Variants in KLHL36 observed in about 807,000 individuals in gnomAD.
KLHL36 encodes the protein kelch like family member 36.
A neutral mutation model predicts 53.3 loss-of-function variants in KLHL36; 35 were observed. That is an observed-to-expected ratio of 0.66 (90% CI 0.50 to 0.87). KLHL36 has a LOEUF of 0.87. Ranked by LOEUF, KLHL36 falls within the 40% of genes least tolerant of loss-of-function variation. KLHL36 has a pLI of 0.00. For synonymous variants in KLHL36, 472 were observed against 398.9 expected (o/e 1.18, Z -2.18); for missense variants, 864 against 897.6 (o/e 0.96, Z 0.48).
intron 4 of KLHL36, among the ~76,000 whole-genome samples, chr16:84,660,559 C>G (rs915360397): frequency 1.3e-5 from 2 of 152,172 alleles, no homozygotes; most frequent in Non-Finnish European, 2.9e-5. Flanking sequence ...ACTTTCTGAA[C>G]CAGTCTTTGC....
chr16:84,657,354 G>T lies in KLHL36; in HGVS notation c.547G>T (p.Asp183Tyr). 5 of 1,612,160 alleles carry T rather than the reference G, an allele frequency of 3.1e-6. No homozygotes were observed. The highest frequency in any genetic ancestry group is 4.2e-6 in the Non-Finnish European group (5 of 1,180,020). Reference sequence around the variant, plus strand: ...CTTCGGCACGCTGTCCTTTACGCCCGACTTCCTGCAGAACGTCTCCATGCA... The same window carrying T: ...CTTCGGCACGCTGTCCTTTACGCCCTACTTCCTGCAGAACGTCTCCATGCA... ...NHFGTLSFTP[D>Y]FLQNVSMQKL... The change falls in exon 3 of 5, where the codon GAC becomes TAC. Residue 183 changes from aspartate (D) to tyrosine (Y), a missense_variant. Asp to Tyr is a radical substitution (Grantham distance 160, BLOSUM62 -3). Coordinates refer to ENST00000564996, the MANE Select transcript of KLHL36 (RefSeq NM_024731.4).
At position 84,664,963 on chromosome 16, in the gene KLHL36, C is replaced by T. The variant is rs1362043477; in HGVS notation, c.*2830C>T. The T allele has an allele frequency of 6.6e-6, 1 of 152,232 alleles. No individual in the cohort carries two copies. Among genetic ancestry groups the T allele is most frequent in the Non-Finnish European group, 1.5e-5 (1 of 68,058 alleles). 9.4% of individuals were successfully genotyped at this position (152,232 alleles called of 1,614,324 possible). A position where few individuals can be genotyped will look rare whatever the true frequency, so the allele number is the denominator to read the frequency against. ...ATCACCTGAGCCTGGGAGGTTGAGG[C>T]TGCAGTGAGCTATGACCACACCACT... On this transcript the variant is annotated 3_prime_UTR_variant, in exon 5 of 5. Transcript: ENST00000564996.
chr16:84,654,979 G>A (rs1009621638), intron 2 of KLHL36, among the ~76,000 whole-genome samples: 1 of 152,210 alleles, frequency 6.6e-6, no homozygotes, highest in African/African-American at 2.4e-5. Context: ...AACAGAGCAA[G>A]ACCCTGTTTC....
intron 2 of KLHL36, among the ~76,000 whole-genome samples, chr16:84,652,600 C>G (rs1270764778): frequency 2.6e-5 from 4 of 152,072 alleles, no homozygotes; most frequent in Non-Finnish European, 5.9e-5. Context: ...AAAAAGTGTA[C>G]CCATTAATTT....
chr16:84,654,001 G>C (rs1359441846), intron 2 of KLHL36, among the ~76,000 whole-genome samples: 3 of 152,188 alleles, frequency 2.0e-5, no homozygotes, highest in Admixed American at 1.3e-4. Flanking sequence ...AAACAACACT[G>C]CTCTTGCCCC....
In KLHL36 at chr16:84,657,068, G is replaced by A. The variant is rs199686560; in HGVS notation, c.261G>A (p.Val87=). 11 of 1,614,206 alleles carry A rather than the reference G, an allele frequency of 6.8e-6. No homozygotes were observed. In the African/African-American group the frequency reaches 8.0e-5, roughly 12 times the overall value. Reference sequence around the variant, plus strand: ...TGCGGGAAGCTTTCCAGAAGGAGGTGGAGCTGATCGGCGCCTCCTACATTG... The same window carrying A: ...TGCGGGAAGCTTTCCAGAAGGAGGTAGAGCTGATCGGCGCCTCCTACATTG... ...IGMREAFQKE[V]ELIGASYIGL... Residue 87 remains valine, a synonymous_variant, in exon 3 of 5, where the codon GTG becomes GTA. Transcript: ENST00000564996.
At chr16:84,650,379 C>T (rs879648632) in intron 1 of KLHL36, among the ~76,000 whole-genome samples, 2 of 152,110 alleles carry the variant, frequency 1.3e-5, no homozygotes, top group African/African-American at 2.4e-5. Context: ...CAGACCGAGG[C>T]GTGATTCTCG....
intron 3 of KLHL36, 39 bp from the exon 4 acceptor site, chr16:84,659,721 G>C: frequency 6.2e-7 from 1 of 1,603,234 alleles, no homozygotes; most frequent in Middle Eastern, 1.7e-4. Flanking sequence ...GCTGTCCCGG[G>C]TTCGGGGAAG....
Position 84,661,421 on chromosome 16 carries a change from T to C in KLHL36, c.1296-157T>C, listed in dbSNP as rs1395365680. Among the ~76,000 whole-genome samples the C allele has an allele frequency of 1.3e-5, 2 of 152,326 alleles. No homozygotes were observed. The highest frequency in any genetic ancestry group is 3.9e-4 in the East Asian group (2 of 5,182). ...CCCTGCCCTGCCATTTCTTTGCTAA[T>C]GACGGCTACTGTCTATAGAGTGTTC... is the stretch of plus-strand genomic sequence containing the variant. On this transcript the variant is annotated intron_variant, in intron 4 of 4. Transcript: ENST00000564996. The surrounding 1 kb of genome is among the most constrained non-coding windows in gnomAD (Gnocchi z 7.9).
intron 4 of KLHL36, among the ~76,000 whole-genome samples, chr16:84,660,726 G>T (rs528743773): frequency 3.3e-5 from 5 of 152,106 alleles, no homozygotes; most frequent in African/African-American, 1.2e-4. Flanking sequence ...AACTCAAGCA[G>T]TTCTCCTGCC....
chr16:84,650,288 TA>T (rs1277318110), intron 1 of KLHL36, among the ~76,000 whole-genome samples: 1 of 152,164 alleles, frequency 6.6e-6, no homozygotes, highest in Non-Finnish European at 1.5e-5. Context: ...TGCATCATGA[TA>T]TTTTTAAAGT....
intron 2 of KLHL36, among the ~76,000 whole-genome samples, chr16:84,652,957 C>G (rs555051176): frequency 6.6e-6 from 1 of 152,266 alleles, no homozygotes; most frequent in South Asian, 2.1e-4. Flanking sequence ...GTGGCTCACG[C>G]CTGTAATCCC....
rs899419248 is a variant in KLHL36, at chr16:84,656,943, T to G, written c.136T>G (p.Cys46Gly). 6.2e-7 allele frequency: 1 copy of G among 1,613,552 alleles called. No individual in the cohort carries two copies. ...LNEQRLRGLF[C>G]DVVLVADEQR... ...CGAGCAGCGTCTCCGCGGGCTCTTC[T>G]GCGACGTCGTCCTGGTGGCCGATGA... is the stretch of plus-strand genomic sequence containing the variant. The change falls in exon 3 of 5, where the codon TGC becomes GGC. Residue 46 changes from cysteine to glycine, a missense_variant. By Grantham distance (159) the Cys-to-Gly change is radical. Transcript: ENST00000564996.
Position 84,667,230 on chromosome 16 carries a change from A to G in KLHL36, c.*5097A>G, listed in dbSNP as rs1907891286. On this transcript the variant is annotated 3_prime_UTR_variant, in exon 5 of 5. Coordinates refer to ENST00000564996, the MANE Select transcript of KLHL36 (RefSeq NM_024731.4). ...TTCAAAGGTACTTAAAGCCATCTTT[A>G]CAGATTGCTTGTAATGTAAGGAAAG... 6.6e-6 allele frequency: 1 copy of G among 152,274 alleles called. No individual in the cohort carries two copies. Among genetic ancestry groups the G allele is most frequent in the East Asian group, 1.9e-4 (1 of 5,180 alleles). 9.4% of individuals were successfully genotyped at this position (152,274 alleles called of 1,614,324 possible). A position where few individuals can be genotyped will look rare whatever the true frequency, so the allele number is the denominator to read the frequency against.
chr16:84,657,274 C>A lies in KLHL36; in HGVS notation c.467C>A (p.Ser156Tyr), dbSNP rs774917831. 26 of 1,613,960 alleles carry A rather than the reference C, an allele frequency of 1.6e-5. No individual in the cohort carries two copies. Among genetic ancestry groups the A allele is most frequent in the Non-Finnish European group, 2.1e-5 (25 of 1,180,036 alleles). The stretch of plus-strand genomic sequence containing the variant: ...TACCTGTACCTGCAGGAGCTGGCCT[C>A]CATCTACAGCCTCAAGCGGCTTGAT... ...DNYLYLQELA[S>Y]IYSLKRLDAF... is the part of the protein sequence containing the mutation. Residue 156 changes from serine (S) to tyrosine (Y), a missense_variant, in exon 3 of 5, where the codon TCC becomes TAC. Coordinates refer to ENST00000564996, the MANE Select transcript of KLHL36 (RefSeq NM_024731.4).
At position 84,656,887 on chromosome 16, in the gene KLHL36, A is replaced by C. The variant is rs753434084; in HGVS notation, c.80A>C (p.Asp27Ala). The C allele has an allele frequency of 4.4e-6, 7 of 1,608,932 alleles. No homozygotes were observed. Among genetic ancestry groups the C allele is most frequent in the African/African-American group, 1.3e-5 (1 of 74,878 alleles). ...SESSKVYRWA[D>A]HSSTVLQRLN... The stretch of plus-strand genomic sequence containing the variant: ...TCTGTCCAGGTATACCGCTGGGCCG[A>C]CCACTCAAGCACGGTGCTGCAGCGG... The change falls in exon 3 of 5, where the codon GAC becomes GCC. Residue 27 changes from aspartate (D) to alanine (A), a missense_variant. Coordinates refer to ENST00000564996, the MANE Select transcript of KLHL36 (RefSeq NM_024731.4).
rs1236927232 is a variant in KLHL36, at chr16:84,667,619, C to A, written c.*5486C>A. 1.3e-5 allele frequency: 2 copies of A among 152,060 alleles called. No homozygotes were observed. Among genetic ancestry groups the A allele is most frequent in the Non-Finnish European group, 2.9e-5 (2 of 68,014 alleles). The allele number at this position is 152,060 out of a possible 1,614,324, so 9.4% of individuals were successfully genotyped here. On this transcript the variant is annotated 3_prime_UTR_variant, in exon 5 of 5. Coordinates refer to ENST00000564996, the MANE Select transcript of KLHL36 (RefSeq NM_024731.4). Reference sequence around the variant, plus strand: ...TGTGGTTATTGTAATGATGTCTGGTCCTAATTTCTCTGCCCGTATGAAAAA... The same window carrying A: ...TGTGGTTATTGTAATGATGTCTGGTACTAATTTCTCTGCCCGTATGAAAAA...
chr16:84,654,301 C>T (rs531414133), intron 2 of KLHL36, among the ~76,000 whole-genome samples: 1 of 151,960 alleles, frequency 6.6e-6, no homozygotes, highest in African/African-American at 2.4e-5. Flanking sequence ...TCAGCTCACA[C>T]CCAAGAGGGG....
chr16:84,657,644 C>A lies in KLHL36; in HGVS notation c.837C>A (p.Ala279=), dbSNP rs138867111. Residue 279 remains alanine, a synonymous_variant, in exon 3 of 5, where the codon GCC becomes GCA. Coordinates refer to ENST00000564996, the MANE Select transcript of KLHL36 (RefSeq NM_024731.4). ...TGCGCTACCACAACAACCTGGCGGC[C>A]CAGCCCGTCATGCAGACCAAGCGCA... ...EAVRYHNNLA[A]QPVMQTKRTA... is the part of the protein sequence containing the mutation. 98 of 1,612,072 alleles carry A rather than the reference C, an allele frequency of 6.1e-5. No individual in the cohort carries two copies. The African/African-American group carries it at 1.1e-3, about 18-fold the overall frequency.
Sources: gnomAD v4.1 joint callset for allele counts (sites outside exome capture counted in the v4.1 genomes callset) on GRCh38, gnomAD v4.1.1 for gene constraint, Gnocchi (gnomAD v3.1) non-coding constraint, MANE v1.5 for transcripts, NCBI Gene and HGNC (gene_info 2026-07-23, HGNC 2026-07-21) for gene names.